The following ZDHHC15 variants were observed in gnomAD, a reference collection of about 807,000 sequenced individuals.
ZDHHC15 encodes zDHHC palmitoyltransferase 15, also known as palmitoyltransferase ZDHHC15.
In ZDHHC15, 19 loss-of-function variants were observed where a neutral mutation model predicts 31.7. The ratio of observed to expected loss-of-function variants is 0.60; its 90% CI spans 0.42 to 0.88. The LOEUF is 0.88. ZDHHC15 is among the 40% of genes least tolerant of loss of function. ZDHHC15 has a pLI of 0.00. For synonymous variants in ZDHHC15, 103 were observed against 90.0 expected (o/e 1.14, Z -0.82); for missense variants, 209 against 251.2 (o/e 0.83, Z 1.14).
intron 1 of ZDHHC15, among the ~76,000 whole-genome samples, chrX:75,518,669 T>C (rs1002791346): frequency 1.2e-4 from 12 of 103,883 alleles, no homozygotes; most frequent in Non-Finnish European, 2.3e-4. Flanking sequence ...AAGACAGATA[T>C]TCAAACAAAT....
At chrX:75,451,327 A>T (rs1392951074) in intron 3 of ZDHHC15, among the ~76,000 whole-genome samples, 1 of 112,167 alleles carries the variant, frequency 8.9e-6, no homozygotes, top group East Asian at 2.8e-4. Flanking sequence ...AACCATGCTT[A>T]CCAAGTTGCA....
Position 75,417,067 on chromosome X carries a change from T to C in ZDHHC15, c.967+20A>G, listed in dbSNP as rs373341670. ...ATTGGTTGTATTAATGTGGACTTCATAGTCTTTGACCCCACTTACCTTGGT... is the reference window on the plus strand; with the variant it reads ...ATTGGTTGTATTAATGTGGACTTCACAGTCTTTGACCCCACTTACCTTGGT... On this transcript the variant is annotated intron_variant, in intron 10 of 11. Transcript: ENST00000373367. 10 of 1,149,850 alleles carry C rather than the reference T, an allele frequency of 8.7e-6. No homozygotes were observed. In the African/African-American group the frequency reaches 1.1e-4, roughly 12 times the overall value. 94.8% of individuals were successfully genotyped at this position (1,149,850 alleles called of 1,213,427 possible). A position where few individuals can be genotyped will look rare whatever the true frequency, so the allele number is the denominator to read the frequency against.
chrX:75,442,860 C>A (rs1232712774), intron 4 of ZDHHC15, among the ~76,000 whole-genome samples: 1 of 107,797 alleles, frequency 9.3e-6, no homozygotes, highest in Non-Finnish European at 1.9e-5. Flanking sequence ...GTGGCGGGCG[C>A]CTGTAGTCCC....
intron 11 of ZDHHC15, 110 bp downstream of exon 11, chrX:75,379,010 T>C (rs1372879815): frequency 3.5e-6 from 2 of 568,850 alleles, no homozygotes; most frequent in Non-Finnish European, 5.6e-6. Context: ...GTGAAGAATT[T>C]AAAATCTTTT....
intron 7 of ZDHHC15, among the ~76,000 whole-genome samples, chrX:75,427,305 G>T (rs2147856968): frequency 9.0e-6 from 1 of 110,505 alleles, no homozygotes; most frequent in South Asian, 3.9e-4. Context: ...AAAAATGAGG[G>T]AATAGAAAGA....
rs2082991183 is a variant in ZDHHC15, at chrX:75,369,956, C to T, written c.*3022G>A. The T allele has an allele frequency of 1.8e-5, 2 of 111,582 alleles. No homozygotes were observed. Among genetic ancestry groups the T allele is most frequent in the African/African-American group, 6.5e-5 (2 of 30,584 alleles). 9.2% of individuals were successfully genotyped at this position (111,582 alleles called of 1,213,427 possible). ...TCTCTTTTCCCCTTAATTTTTCCAG[C>T]TGTACCATGGGGAACAATTTTTTTA... On this transcript the variant is annotated 3_prime_UTR_variant, in exon 12 of 12. Transcript: ENST00000373367.
chrX:75,479,778 C>T (rs141654562), intron 2 of ZDHHC15, among the ~76,000 whole-genome samples: 1,511 of 111,578 alleles, frequency 0.014, 18 homozygotes, highest in African/African-American at 0.047. Context: ...CTTTCTGTGT[C>T]TGAGTTGTTT....
chrX:75,491,754 C>T (rs2084898425), intron 2 of ZDHHC15, among the ~76,000 whole-genome samples: 1 of 110,991 alleles, frequency 9.0e-6, no homozygotes, highest in Non-Finnish European at 1.9e-5. Flanking sequence ...GAGATTTTGT[C>T]ACCACCAGGC....
At chrX:75,430,479 G>A (rs1451862474) in intron 5 of ZDHHC15, among the ~76,000 whole-genome samples, 2 of 111,217 alleles carry the variant, frequency 1.8e-5, no homozygotes, top group Non-Finnish European at 1.9e-5. Flanking sequence ...AATGCAAAAT[G>A]TAAAATGAAT....
chrX:75,489,007 C>G (rs1050909067), intron 2 of ZDHHC15, among the ~76,000 whole-genome samples: 3 of 111,844 alleles, frequency 2.7e-5, no homozygotes, highest in Non-Finnish European at 5.6e-5. Context: ...ATTGCTAGCA[C>G]AGCAGTCTGA....
At chrX:75,492,642 C>G (rs770862529) in intron 2 of ZDHHC15, among the ~76,000 whole-genome samples, 322 of 111,690 alleles carry the variant, frequency 2.9e-3, no homozygotes, top group African/African-American at 9.5e-3. Flanking sequence ...CAAAACTGGA[C>G]AACTACATGG....
At chrX:75,387,169 CA>C (rs1299535595) in intron 10 of ZDHHC15, among the ~76,000 whole-genome samples, 1 of 111,743 alleles carries the variant, frequency 8.9e-6, no homozygotes, top group African/African-American at 3.3e-5. Context: ...AGGCAAATTA[CA>C]AATAATCTCT....
At chrX:75,378,683 T>C (rs2147752088) in intron 11 of ZDHHC15, among the ~76,000 whole-genome samples, 1 of 111,585 alleles carries the variant, frequency 9.0e-6, no homozygotes, top group Non-Finnish European at 1.9e-5. Flanking sequence ...TTTAGGAGGG[T>C]TACAGTGTAG....
intron 4 of ZDHHC15, among the ~76,000 whole-genome samples, chrX:75,436,943 G>A (rs1468173910): frequency 6.2e-5 from 7 of 112,088 alleles, no homozygotes; most frequent in East Asian, 2.8e-4. Flanking sequence ...GTGCAGTGGC[G>A]TGATCTCGGC....
chrX:75,423,069 G>C (rs947307604), intron 8 of ZDHHC15, among the ~76,000 whole-genome samples: 8 of 104,287 alleles, frequency 7.7e-5, no homozygotes, highest in Non-Finnish European at 1.4e-4. Context: ...CTGGAGTACA[G>C]TGGCACAATC....
intron 1 of ZDHHC15, among the ~76,000 whole-genome samples, chrX:75,517,786 T>A (rs1214537052): frequency 5.5e-5 from 6 of 110,022 alleles, no homozygotes; most frequent in African/African-American, 1.7e-4. Flanking sequence ...ATGCCAGATA[T>A]AAAAAATTAA....
intron 3 of ZDHHC15, among the ~76,000 whole-genome samples, chrX:75,469,742 G>A (rs1040152637): frequency 1.8e-5 from 2 of 111,439 alleles, no homozygotes; most frequent in Admixed American, 1.9e-4. Flanking sequence ...AAACCCAAAA[G>A]TGGAATTGCT....
intron 10 of ZDHHC15, among the ~76,000 whole-genome samples, chrX:75,392,884 T>C (rs773945081): frequency 2.7e-5 from 3 of 110,763 alleles, no homozygotes; most frequent in Non-Finnish European, 5.7e-5. Flanking sequence ...CTTCTTCTAC[T>C]ACCCATTCTG....
intron 10 of ZDHHC15, among the ~76,000 whole-genome samples, chrX:75,383,415 T>C (rs2083138237): frequency 9.0e-6 from 1 of 111,688 alleles, no homozygotes; most frequent in African/African-American, 3.3e-5. Flanking sequence ...TGAGCCAGGC[T>C]ACTTTCTTCA....
Sources: gnomAD v4.1 joint callset for allele counts (sites outside exome capture counted in the v4.1 genomes callset) on GRCh38, gnomAD v4.1.1 for gene constraint, MANE v1.5 for transcripts, NCBI Gene and HGNC (gene_info 2026-07-23, HGNC 2026-07-21) for gene names.